NFIB: variants seen among roughly 807,000 people sequenced by gnomAD.
NFIB encodes the protein nuclear factor 1 B-type.
NFIB carries 11 observed loss-of-function variants against 61.5 expected under a neutral mutation model. The observed-to-expected ratio is 0.18, with a 90% confidence interval of 0.11 to 0.30. NFIB has a LOEUF of 0.30. NFIB is among the 10% of genes least tolerant of loss of function. The pLI is 1.00. For missense variants in NFIB, 471 were observed against 608.9 expected, an observed-to-expected ratio of 0.77 and a Z score of 2.38; for synonymous variants, 260 against 216.5, an observed-to-expected ratio of 1.20 and a Z score of -1.76.
At chr9:14,199,626 G>A (rs887259134) in intron 2 of NFIB, among the ~76,000 whole-genome samples, 5 of 152,196 alleles carry the variant, frequency 3.3e-5, no homozygotes, top group African/African-American at 9.7e-5. Flanking sequence ...GCTTATAGCC[G>A]TTTTACTTTG....
At chr9:14,519,169 T>A in the NFIB span, among the ~76,000 whole-genome samples, 1 of 152,156 alleles carries the variant, frequency 6.6e-6, no homozygotes, top group South Asian at 2.1e-4. Context: ...CTCCAAGCAC[T>A]AACAATGGGC....
intron 1 of NFIB, among the ~76,000 whole-genome samples, chr9:14,308,601 G>A (rs1211429266): frequency 6.6e-6 from 1 of 152,168 alleles, no homozygotes; most frequent in Non-Finnish European, 1.5e-5. Flanking sequence ...ATGCTGTGGT[G>A]GGGTGACACT....
intron 1 of NFIB, among the ~76,000 whole-genome samples, chr9:14,358,868 TAATTA>T (rs1465388798): frequency 2.0e-5 from 3 of 152,236 alleles, no homozygotes; most frequent in African/African-American, 7.2e-5. Context: ...CACAACCTTA[TAATTA>T]AATTATGTTA....
rs2054049084 is a variant in NFIB at position 14,238,723 on chromosome 9, G to A, written c.563-58943C>T. Among the ~76,000 whole-genome samples the A allele has an allele frequency of 2.0e-5, 3 of 152,268 alleles. No homozygotes were observed. The South Asian group carries it at 6.2e-4, about 32-fold the overall frequency. Reference sequence around the variant, plus strand: ...TTTCATTGTGGACTCATGACTCAGTGCTTTGGAACTTGGTATCTTTGGGAG... The same window carrying A: ...TTTCATTGTGGACTCATGACTCAGTACTTTGGAACTTGGTATCTTTGGGAG... On this transcript the variant is annotated intron_variant, in intron 2 of 10. Transcript: ENST00000380953.
chr9:14,438,331 G>A, the NFIB span, among the ~76,000 whole-genome samples: 1 of 152,210 alleles, frequency 6.6e-6, no homozygotes, highest in Admixed American at 6.5e-5. Context: ...GTGCTAAATA[G>A]TCTTACGTGT....
chr9:14,299,410 C>T (rs555205015), intron 2 of NFIB, among the ~76,000 whole-genome samples: 1 of 152,242 alleles, frequency 6.6e-6, no homozygotes, highest in South Asian at 2.1e-4. Context: ...TCAATGAATA[C>T]TATTAAGTTG....
At chr9:14,427,330 A>T in the NFIB span, among the ~76,000 whole-genome samples, 1 of 152,122 alleles carries the variant, frequency 6.6e-6, no homozygotes, top group Non-Finnish European at 1.5e-5. Flanking sequence ...TGGACCAGAT[A>T]CTCTTCTAAG....
rs1193329824 is a variant in NFIB at position 14,085,169 on chromosome 9, A to C, written c.*3140T>G. ...TGCTGTTCAGCATTTGGGCTATCAA[A>C]CTGAATGGGCTAATCAAATACAATT... On this transcript the variant is annotated 3_prime_UTR_variant, in exon 11 of 11. Transcript: ENST00000380953. The C allele has an allele frequency of 4.4e-6, 1 of 228,960 alleles. No individual in the cohort carries two copies. Among genetic ancestry groups the C allele is most frequent in the African/African-American group, 2.2e-5 (1 of 45,136 alleles). The allele number at this position is 228,960 out of a possible 1,614,324, so 14.2% of individuals were successfully genotyped here. A position where few individuals can be genotyped will look rare whatever the true frequency, so the allele number is the denominator to read the frequency against.
chr9:14,088,677 A>C (rs1395746014), intron 10 of NFIB, among the ~76,000 whole-genome samples: 3 of 152,198 alleles, frequency 2.0e-5, no homozygotes, highest in African/African-American at 7.2e-5. Flanking sequence ...AAAAAAAGAA[A>C]AAGAAAAGCA....
At chr9:14,268,106 G>A (rs552327960) in intron 2 of NFIB, among the ~76,000 whole-genome samples, 155 of 128,386 alleles carry the variant, frequency 1.2e-3, no homozygotes, top group Middle Eastern at 4.2e-3. Context: ...GGCCGACATA[G>A]CAAGATTCCA....
chr9:14,338,561 T>G (rs1054628912), intron 1 of NFIB, among the ~76,000 whole-genome samples: 1 of 152,124 alleles, frequency 6.6e-6, no homozygotes, highest in Non-Finnish European at 1.5e-5. Flanking sequence ...TCTACAGAAG[T>G]GAAGGCTAAT....
chr9:14,247,913 T>C (rs972744923), intron 2 of NFIB, among the ~76,000 whole-genome samples: 2 of 151,710 alleles, frequency 1.3e-5, no homozygotes, highest in Non-Finnish European at 2.9e-5. Flanking sequence ...CTACACAGTA[T>C]CTACTAATTT....
chr9:14,303,520 T>C (rs1184968912), intron 2 of NFIB, among the ~76,000 whole-genome samples: 1 of 152,250 alleles, frequency 6.6e-6, no homozygotes, highest in Non-Finnish European at 1.5e-5. Flanking sequence ...TTTTCTTTAA[T>C]CTGTCCCAGT....
intron 2 of NFIB, among the ~76,000 whole-genome samples, chr9:14,184,054 T>C (rs978109671): frequency 6.6e-6 from 1 of 151,768 alleles, no homozygotes; most frequent in Non-Finnish European, 1.5e-5. Flanking sequence ...GTCCACTCCT[T>C]TTTTAAAAGC....
At position 14,126,057 on chromosome 9, in the gene NFIB, T is replaced by C. The variant is rs377532824; in HGVS notation, c.926-291A>G. ...CAAAGTCTTGTTTCCTTTAGCCCCT[T>C]GGTTCACACAAAGGCCTTCTTTACC... is the stretch of plus-strand genomic sequence containing the variant. On this transcript the variant is annotated intron_variant, in intron 6 of 10. Transcript: ENST00000380953. 3.3e-5 allele frequency among the ~76,000 whole-genome samples: 5 copies of C among 152,288 alleles called. No homozygotes were observed. In the East Asian group the frequency reaches 9.7e-4, roughly 29 times the overall value.
chr9:14,253,242 C>G (rs2055854219), intron 2 of NFIB, among the ~76,000 whole-genome samples: 1 of 152,162 alleles, frequency 6.6e-6, no homozygotes, highest in African/African-American at 2.4e-5. Context: ...TGCATCATAT[C>G]CTACTGCTAA....
At chr9:14,132,328 G>A (rs538805963) in intron 6 of NFIB, among the ~76,000 whole-genome samples, 1 of 152,090 alleles carries the variant, frequency 6.6e-6, no homozygotes, top group East Asian at 1.9e-4. Context: ...TGCCATACTT[G>A]TAACTTGTAA....
the NFIB span, among the ~76,000 whole-genome samples, chr9:14,528,845 T>C: frequency 6.6e-6 from 1 of 152,124 alleles, no homozygotes; most frequent in Non-Finnish European, 1.5e-5. Flanking sequence ...TATAGCATCA[T>C]CAATAACCAT....
At chr9:14,203,041 G>A (rs775257797) in intron 2 of NFIB, among the ~76,000 whole-genome samples, 2 of 152,152 alleles carry the variant, frequency 1.3e-5, no homozygotes, top group East Asian at 3.8e-4. Flanking sequence ...TGCCTTGCAG[G>A]GGACATTTAT....
Sources: gnomAD v4.1 joint callset for allele counts (sites outside exome capture counted in the v4.1 genomes callset) on GRCh38, gnomAD v4.1.1 for gene constraint, MANE v1.5 for transcripts, NCBI Gene and HGNC (gene_info 2026-07-23, HGNC 2026-07-21) for gene names.